LDB2: variants seen among roughly 807,000 people sequenced by gnomAD.
LDB2 encodes the protein LIM domain binding 2.
LDB2 carries 12 observed loss-of-function variants against 44.3 expected under a neutral mutation model. The observed-to-expected ratio is 0.27, with a 90% CI of 0.17 to 0.44. LDB2 has a LOEUF of 0.44. Among genes scored for constraint, LDB2 ranks in the 20% least tolerant of loss-of-function variants. The probability of loss-of-function intolerance (pLI) is 1.00; values close to 1 mark genes in which losing one functional copy is unlikely to be tolerated. For missense variants in LDB2, 344 were observed against 473.5 expected (o/e 0.73, Z 2.54); for synonymous variants, 164 against 174.8 (o/e 0.94, Z 0.49).
chr4:16,742,126 C>T (rs1386338929), intron 2 of LDB2, among the ~76,000 whole-genome samples: 2 of 130,636 alleles, frequency 1.5e-5, no homozygotes, highest in Non-Finnish European at 3.1e-5. Context: ...GGCTGGAGTT[C>T]AGTGGCACAA....
At chr4:16,729,463 T>C (rs1430266640) in intron 2 of LDB2, among the ~76,000 whole-genome samples, 1 of 152,098 alleles carries the variant, frequency 6.6e-6, no homozygotes, top group Admixed American at 6.6e-5. Flanking sequence ...GAAAAAAAAG[T>C]ACAAAACACA....
chr4:16,526,904 G>A (rs1560368512), intron 5 of LDB2, among the ~76,000 whole-genome samples: 2 of 152,196 alleles, frequency 1.3e-5, no homozygotes, highest in Non-Finnish European at 2.9e-5. Context: ...TGTCTTAGCA[G>A]CAATAGAAAA....
At chr4:16,579,038 T>C (rs1461353513) in intron 5 of LDB2, among the ~76,000 whole-genome samples, 1 of 152,056 alleles carries the variant, frequency 6.6e-6, no homozygotes, top group East Asian at 1.9e-4. Flanking sequence ...CACCACAGAT[T>C]GGGAAGGGTC....
Position 16,833,567 on chromosome 4 carries a change from G to A in LDB2, c.132+64787C>T, listed in dbSNP as rs111963158. Among the ~76,000 whole-genome samples, 1,190 of 140,840 alleles carry A rather than the reference G, an allele frequency of 8.4e-3. 19 individuals carry two copies. Among genetic ancestry groups the A allele is most frequent in the African/African-American group, 0.029 (1,132 of 38,394 alleles). The allele number at this position is 140,840 out of a possible 152,430, so 92.4% of individuals were successfully genotyped here. On this transcript the variant is annotated intron_variant, in intron 1 of 7. Coordinates refer to ENST00000304523, the MANE Select transcript of LDB2 (RefSeq NM_001290.5). ...CTCTTTTTTTTTTTTTTTTTGAGACGGAGTCTCTCTCTGTCACCAGTCTGG... is the reference window on the plus strand; with the variant it reads ...CTCTTTTTTTTTTTTTTTTTGAGACAGAGTCTCTCTCTGTCACCAGTCTGG...
At chr4:16,538,430 AAAAAC>A (rs1267559767) in intron 5 of LDB2, among the ~76,000 whole-genome samples, 1 of 152,064 alleles carries the variant, frequency 6.6e-6, no homozygotes, top group African/African-American at 2.4e-5. Context: ...AAACAAAAAC[AAAAAC>A]AAAACAAAAC....
intron 5 of LDB2, among the ~76,000 whole-genome samples, chr4:16,561,978 C>T (rs1204299628): frequency 6.6e-6 from 1 of 152,172 alleles, no homozygotes; most frequent in Non-Finnish European, 1.5e-5. Flanking sequence ...AAAGGATTCC[C>T]TATTTAATAA....
intron 5 of LDB2, among the ~76,000 whole-genome samples, chr4:16,557,391 C>T (rs370790136): frequency 4.6e-5 from 7 of 152,172 alleles, no homozygotes; most frequent in South Asian, 4.1e-4. Flanking sequence ...CTTAAAAAGG[C>T]GCACCAGGAG....
chr4:16,767,312 A>G (rs927554397), intron 1 of LDB2, among the ~76,000 whole-genome samples: 1 of 152,242 alleles, frequency 6.6e-6, no homozygotes, highest in Non-Finnish European at 1.5e-5. Context: ...CATTCTTTTA[A>G]AAGAGGAGTG....
intron 1 of LDB2, among the ~76,000 whole-genome samples, chr4:16,897,870 T>C: frequency 1.4e-5 from 2 of 141,882 alleles, no homozygotes; most frequent in Non-Finnish European, 3.0e-5. Flanking sequence ...CAAAGCAGAC[T>C]TCCTCTAGGA....
intron 5 of LDB2, among the ~76,000 whole-genome samples, chr4:16,539,559 G>A (rs756840687): frequency 2.0e-5 from 3 of 152,094 alleles, no homozygotes; most frequent in Non-Finnish European, 4.4e-5. Context: ...AAACACATCC[G>A]CATACACCAG....
At chr4:16,820,181 C>A (rs977028226) in intron 1 of LDB2, among the ~76,000 whole-genome samples, 4 of 151,988 alleles carry the variant, frequency 2.6e-5, no homozygotes, top group Non-Finnish European at 5.9e-5. Context: ...ATGATGTGAC[C>A]AAATATCGTC....
At chr4:16,791,274 C>T (rs927954434) in intron 1 of LDB2, among the ~76,000 whole-genome samples, 2 of 152,040 alleles carry the variant, frequency 1.3e-5, no homozygotes, top group African/African-American at 2.4e-5. Flanking sequence ...ACAACAAAAA[C>T]GGCTGGGCGG....
At chr4:16,887,918 TA>T (rs970603914) in intron 1 of LDB2, among the ~76,000 whole-genome samples, 23 of 147,016 alleles carry the variant, frequency 1.6e-4, no homozygotes, top group East Asian at 2.0e-4. Context: ...CTTGCATCTG[TA>T]AAAAAAAAAG....
chr4:16,503,210 A>G lies in LDB2; in HGVS notation c.892-337T>C. On this transcript the variant is annotated intron_variant, in intron 7 of 7. Coordinates refer to ENST00000304523, the MANE Select transcript of LDB2 (RefSeq NM_001290.5). Reference sequence around the variant, plus strand: ...CTTGCCGACATTGGGGACTTTTGAGAGGGCTGTGGAACCTTCTGCTGGGTG... The same window carrying G: ...CTTGCCGACATTGGGGACTTTTGAGGGGGCTGTGGAACCTTCTGCTGGGTG... 3.5e-6 allele frequency: 5 copies of G among 1,430,204 alleles called. No individual in the cohort carries two copies. In the South Asian group the frequency reaches 6.2e-5, roughly 18 times the overall value. 88.6% of individuals were successfully genotyped at this position (1,430,204 alleles called of 1,614,324 possible). A position where few individuals can be genotyped will look rare whatever the true frequency, so the allele number is the denominator to read the frequency against.
At chr4:16,869,136 G>GTTA (rs1365143942) in intron 1 of LDB2, among the ~76,000 whole-genome samples, 3 of 152,086 alleles carry the variant, frequency 2.0e-5, no homozygotes, top group Admixed American at 6.5e-5. Flanking sequence ...CATCATTATT[G>GTTA]TTATTATTAT....
At chr4:16,822,672 G>A (rs1257722378) in intron 1 of LDB2, among the ~76,000 whole-genome samples, 3 of 151,888 alleles carry the variant, frequency 2.0e-5, no homozygotes, top group East Asian at 1.9e-4. Flanking sequence ...GTGCCACCAC[G>A]CCCGGCTAAT....
At chr4:16,706,547 G>A (rs1024260454) in intron 2 of LDB2, among the ~76,000 whole-genome samples, 13 of 152,320 alleles carry the variant, frequency 8.5e-5, no homozygotes, top group African/African-American at 3.1e-4. Flanking sequence ...AGCCCAAATG[G>A]ACTAAGACAT....
At chr4:16,641,969 G>A (rs1056149492) in intron 2 of LDB2, among the ~76,000 whole-genome samples, 3 of 152,116 alleles carry the variant, frequency 2.0e-5, no homozygotes, top group Admixed American at 2.0e-4. Context: ...GAGGGGGCAT[G>A]ACTTAGTATA....
At chr4:16,584,308 A>T (rs984991610) in intron 5 of LDB2, among the ~76,000 whole-genome samples, 2 of 152,204 alleles carry the variant, frequency 1.3e-5, no homozygotes, top group Admixed American at 6.5e-5. Flanking sequence ...ATAGATGCTG[A>T]CTGTCTAGCA....
Sources: allele counts gnomAD v4.1 joint callset (sites outside exome capture counted in the v4.1 genomes callset), GRCh38; gene constraint gnomAD v4.1.1; transcripts MANE v1.5; gene names NCBI Gene and HGNC (gene_info 2026-07-23, HGNC 2026-07-21).